Variants in DIMT1 observed in about 807,000 individuals in gnomAD.
The protein encoded by DIMT1 is DIM1 rRNA methyltransferase and ribosome maturation factor.
Under a neutral mutation model 43.2 loss-of-function variants are expected in DIMT1, and 36 were observed. That is an observed-to-expected ratio of 0.83 (90% confidence interval 0.64 to 1.10). DIMT1 has a LOEUF of 1.10. Among genes scored for constraint, DIMT1 ranks in the 50% least tolerant of loss-of-function variants. The probability of loss-of-function intolerance (pLI) is 0.00; values close to 1 mark genes in which losing one functional copy is unlikely to be tolerated. For synonymous variants in DIMT1, 126 were observed against 130.3 expected, an observed-to-expected ratio of 0.97 and a Z score of 0.22; for missense variants, 341 against 385.3, an observed-to-expected ratio of 0.88 and a Z score of 0.96.
At chr5:62,403,238 C>A in intron 2 of DIMT1, 35 bp downstream of exon 2, 1 of 1,586,696 alleles carries the variant, frequency 6.3e-7, no homozygotes. Flanking sequence ...AATTAATAAA[C>A]CAACAACTCT....
rs1742148376 is a variant in DIMT1, at chr5:62,388,583, G to A, written c.*427C>T. 1.3e-5 allele frequency: 2 copies of A among 159,938 alleles called. No individual in the cohort carries two copies. The highest frequency in any genetic ancestry group is 4.8e-5 in the African/African-American group (2 of 41,608). The allele number at this position is 159,938 out of a possible 1,614,324, so 9.9% of individuals were successfully genotyped here. On this transcript the variant is annotated 3_prime_UTR_variant, in exon 12 of 12. Coordinates refer to ENST00000199320, the MANE Select transcript of DIMT1 (RefSeq NM_014473.4). ...AATAACAAGAAATGGTACGGGGAAT[G>A]TGAATAACACGAAATGGTATGGGGA...
Position 62,394,586 on chromosome 5 carries a change from T to C in DIMT1, c.468A>G (p.Gln156=), listed in dbSNP as rs1742415300. The C allele has an allele frequency of 6.2e-7, 1 of 1,614,196 alleles. No individual in the cohort carries two copies. The change falls in exon 7 of 12, where the codon CAA becomes CAG. Residue 156 remains glutamine, a synonymous_variant. Transcript: ENST00000199320. ...CAACCAGTCGGAGGGCAAATTCTCT[T>C]TGAAACATAAGTATAGCACACCTGA... ...PFFRCAILMF[Q]REFALRLVAK... is the part of the protein sequence containing the mutation.
chr5:62,398,305 T>G (rs1742571857), intron 6 of DIMT1: 1 of 541,734 alleles, frequency 1.8e-6, no homozygotes, highest in Admixed American at 3.3e-5. Context: ...AGGGAAAGGC[T>G]GTCTGGTCTC....
In DIMT1 at chr5:62,398,739, C is replaced by A. The variant is rs753048222; in HGVS notation, c.303G>T (p.Thr101=). ...VAELHKRVQG[T]PVASKLQVLV... Reference sequence around the variant, plus strand: ...GTACTTGAAGTTTGCTGGCCACAGGCCTGATGAGAAAAGAAGAAATGTAAA... The same window carrying A: ...GTACTTGAAGTTTGCTGGCCACAGGACTGATGAGAAAAGAAGAAATGTAAA... The change falls in exon 5 of 12, where the codon ACG becomes ACT. Residue 101 remains threonine (T), a splice_region_variant and synonymous_variant. Coordinates refer to ENST00000199320, the MANE Select transcript of DIMT1 (RefSeq NM_014473.4). 5 of 1,613,986 alleles carry A rather than the reference C, an allele frequency of 3.1e-6. No homozygotes were observed. In the African/African-American group the frequency reaches 5.3e-5, roughly 17 times the overall value.
intron 9 of DIMT1, 37 bp downstream of exon 9, chr5:62,392,889 T>C (rs767278025): frequency 7.0e-7 from 1 of 1,425,534 alleles, no homozygotes; most frequent in Non-Finnish European, 9.9e-7. Context: ...TCTGGAGCAC[T>C]GGCCCTTTAT....
chr5:62,400,533 G>A (rs1040721219), intron 3 of DIMT1, among the ~76,000 whole-genome samples: 3 of 151,624 alleles, frequency 2.0e-5, no homozygotes, highest in Non-Finnish European at 4.4e-5. Context: ...GATTATAGGC[G>A]GGAGGCACCA....
intron 2 of DIMT1, 115 bp from the exon 3 acceptor site, chr5:62,402,237 C>G (rs997574013): frequency 6.8e-5 from 68 of 994,146 alleles, no homozygotes; most frequent in African/African-American, 1.7e-5. Flanking sequence ...AATCTGACTC[C>G]ATTTTTAGAT....
chr5:62,387,565 T>C lies in DIMT1; in HGVS notation c.*1445A>G, dbSNP rs1742094213. On this transcript the variant is annotated 3_prime_UTR_variant, in exon 12 of 12. Transcript: ENST00000199320. ...AGAAAAGATACTGGAGGTAATATAA[T>C]ACAGTCCTTCAGCTTTACAGATAGT... 6.6e-6 allele frequency: 1 copy of C among 152,104 alleles called. No individual in the cohort carries two copies. The highest frequency in any genetic ancestry group is 1.5e-5 in the Non-Finnish European group (1 of 68,014). The allele number at this position is 152,104 out of a possible 1,614,324, so 9.4% of individuals were successfully genotyped here.
At chr5:62,397,684 A>T (rs1371359929) in intron 6 of DIMT1, among the ~76,000 whole-genome samples, 1 of 151,248 alleles carries the variant, frequency 6.6e-6, no homozygotes, top group African/African-American at 2.4e-5. Flanking sequence ...AGTCTCGCTC[A>T]GTCGCCAAGG....
At chr5:62,393,768 G>T (rs1742383436) in intron 8 of DIMT1, among the ~76,000 whole-genome samples, 187 bp downstream of exon 8, 1 of 150,112 alleles carries the variant, frequency 6.7e-6, no homozygotes, top group Non-Finnish European at 1.5e-5. Flanking sequence ...TTTGAGACTG[G>T]GTCTCACTTC....
rs760334421 is a variant in DIMT1 at position 62,403,752 on chromosome 5, C to T, written c.21G>A (p.Gly7=). The change falls in exon 1 of 12, where the codon GGG becomes GGA. Residue 7 remains glycine, a synonymous_variant. Transcript: ENST00000199320. ...GCCGCCCGCGGCGGCGGCCGATGGCCCCCGACTTGACCTTCGGCATCTCGG... is the reference window on the plus strand; with the variant it reads ...GCCGCCCGCGGCGGCGGCCGATGGCTCCCGACTTGACCTTCGGCATCTCGG... MPKVKS[G]AIGRRRGRQE... 5.0e-6 allele frequency: 8 copies of T among 1,610,302 alleles called. No individual in the cohort carries two copies. The highest frequency in any genetic ancestry group is 6.8e-6 in the Non-Finnish European group (8 of 1,178,838).
intron 2 of DIMT1, 27 bp downstream of exon 2, chr5:62,403,246 T>C (rs758911734): frequency 5.0e-6 from 8 of 1,598,998 alleles, no homozygotes; most frequent in Non-Finnish European, 5.1e-6. Flanking sequence ...AACCAACAAC[T>C]CTCTCCCTTT....
intron 3 of DIMT1, among the ~76,000 whole-genome samples, chr5:62,399,503 G>A (rs925850664): frequency 8.6e-6 from 1 of 116,714 alleles, no homozygotes; most frequent in African/African-American, 3.5e-5. Context: ...TATTAGCTGG[G>A]CCTAGTGGTG....
At position 62,398,482 on chromosome 5, in the gene DIMT1, G is replaced by A. The variant is rs183951798; in HGVS notation, c.446+29C>T. On this transcript the variant is annotated intron_variant, in intron 6 of 11. Transcript: ENST00000199320. The stretch of plus-strand genomic sequence containing the variant: ...CTGAACTGTAAGTCTTTCAAAATTT[G>A]GCAGTAACTCTAGTCTTTTGTCACA... 208 of 1,604,980 alleles carry A rather than the reference G, an allele frequency of 1.3e-4. No individual in the cohort carries two copies. The African/African-American group carries it at 1.9e-3, about 15-fold the overall frequency.
chr5:62,395,213 C>T lies in DIMT1; in HGVS notation c.447-606G>A, dbSNP rs147105793. ...CCAATTTTTCTATTTTTAGTAGAGA[C>T]AGTGTTTCACCATGTTGGCCAGGCT... On this transcript the variant is annotated intron_variant, in intron 6 of 11. Transcript: ENST00000199320. Among the ~76,000 whole-genome samples the T allele has an allele frequency of 4.3e-3, 648 of 152,020 alleles. 9 individuals carry two copies. The highest frequency in any genetic ancestry group is 0.015 in the African/African-American group (612 of 41,462).
At chr5:62,389,108 C>T (rs931795007) in intron 11 of DIMT1, 56 bp from the exon 12 acceptor site, 26 of 1,456,102 alleles carry the variant, frequency 1.8e-5, no homozygotes, top group Non-Finnish European at 1.9e-5. Context: ...TAGCACATAA[C>T]GGTATATAGT....
Position 62,389,045 on chromosome 5 carries a change from G to T in DIMT1, c.907C>A (p.His303Asn). 6.2e-7 allele frequency: 1 copy of T among 1,603,922 alleles called. No homozygotes were observed. The change falls in exon 12 of 12, where the codon CAT (histidine) becomes AAT (asparagine). Residue 303 changes from histidine (H) to asparagine (N), a missense_variant. Physicochemically the swap from His to Asn is moderately conservative, Grantham distance 68. Transcript: ENST00000199320. ...MDIDDFIRLL[H>N]GFNAEGIHFS ...TGAATACCTTCTGCGTTGAATCCAT[G>T]TAGCAATCTGAAAAAAGAAATCAAA...
intron 1 of DIMT1, among the ~76,000 whole-genome samples, 159 bp downstream of exon 1, chr5:62,403,535 A>T (rs1278857146): frequency 6.6e-6 from 1 of 152,208 alleles, no homozygotes; most frequent in Non-Finnish European, 1.5e-5. Flanking sequence ...GGCGACGCGC[A>T]GGGCCTGCGG....
chr5:62,403,755 C>T lies in DIMT1; in HGVS notation c.18G>A (p.Ser6=). The stretch of plus-strand genomic sequence containing the variant: ...GCCCGCGGCGGCGGCCGATGGCCCC[C>T]GACTTGACCTTCGGCATCTCGGCAG... The part of the protein sequence containing the change: MPKVK[S]GAIGRRRGRQ... Residue 6 remains serine, a synonymous_variant, in exon 1 of 12, where the codon TCG becomes TCA. Coordinates refer to ENST00000199320, the MANE Select transcript of DIMT1 (RefSeq NM_014473.4). 1 of 1,610,234 alleles carries T rather than the reference C, an allele frequency of 6.2e-7. No homozygotes were observed. Among genetic ancestry groups the T allele is most frequent in the Non-Finnish European group, 8.5e-7 (1 of 1,178,826 alleles).
Sources: allele counts gnomAD v4.1 joint callset (sites outside exome capture counted in the v4.1 genomes callset), GRCh38; gene constraint gnomAD v4.1.1; transcripts MANE v1.5; gene names NCBI Gene and HGNC (gene_info 2026-07-23, HGNC 2026-07-21).